ZMYM2: variants seen among roughly 807,000 people sequenced by gnomAD.
ZMYM2 encodes the protein zinc finger MYM-type containing 2.
A neutral mutation model predicts 162.8 loss-of-function variants in ZMYM2; 56 were observed. That is an observed-to-expected ratio of 0.34 (90% CI 0.28 to 0.43). ZMYM2 has a LOEUF of 0.43. Ranked by LOEUF, ZMYM2 falls within the 20% of genes least tolerant of loss-of-function variation. The pLI is 1.00. For synonymous variants in ZMYM2, 510 were observed against 541.6 expected (o/e 0.94, Z 0.81); for missense variants, 1,275 against 1,621.8 (o/e 0.79, Z 3.67).
intron 3 of ZMYM2, among the ~76,000 whole-genome samples, chr13:19,998,566 T>A (rs1201676932): frequency 6.6e-6 from 1 of 152,226 alleles, no homozygotes; most frequent in Non-Finnish European, 1.5e-5. Flanking sequence ...CTAGTGACTT[T>A]CTTTCTCGTT....
chr13:20,002,973 C>G lies in ZMYM2; in HGVS notation c.971C>G (p.Thr324Ser). Residue 324 changes from threonine (T) to serine (S), a missense_variant, in exon 4 of 25, where the codon ACT becomes AGT. Thr to Ser is a moderately conservative substitution (Grantham distance 58, BLOSUM62 1). This residue lies in a region of ZMYM2 where 115 missense variants were observed against 175.3 expected (regional missense o/e 0.66). Transcript: ENST00000610343. ...IFQPSVQQQP[T>S]KPVKVTCANC... ...CAGCCGTCTGTCCAACAGCAGCCTA[C>G]TAAACCAGTTAAAGTCACTTGTGCA... The G allele has an allele frequency of 6.2e-7, 1 of 1,614,138 alleles. No individual in the cohort carries two copies. The highest frequency in any genetic ancestry group is 8.5e-7 in the Non-Finnish European group (1 of 1,180,038).
intron 24 of ZMYM2, among the ~76,000 whole-genome samples, chr13:20,084,460 C>CAT (rs1449896895): frequency 6.6e-6 from 1 of 152,120 alleles, no homozygotes; most frequent in African/African-American, 2.4e-5. Flanking sequence ...AGAAAGCAGC[C>CAT]ATATACTATA....
upstream of ZMYM2, among the ~76,000 whole-genome samples, chr13:19,954,408 G>A (rs1324919306): frequency 2.6e-5 from 4 of 151,750 alleles, no homozygotes; most frequent in South Asian, 2.1e-4. Context: ...GAGCCACCGC[G>A]CCTGGCCTGT....
chr13:19,951,016 T>G, the ZMYM2 span, among the ~76,000 whole-genome samples: 2 of 152,212 alleles, frequency 1.3e-5, no homozygotes, highest in Admixed American at 6.5e-5. Context: ...GATTTTTTTG[T>G]GTGTGATTTT....
chr13:19,960,633 G>A (rs1016056647), intron 2 of ZMYM2, among the ~76,000 whole-genome samples: 2 of 152,130 alleles, frequency 1.3e-5, no homozygotes, highest in Non-Finnish European at 2.9e-5. Context: ...TAATTTCTTC[G>A]TTCCCCATCT....
the ZMYM2 span, among the ~76,000 whole-genome samples, chr13:19,921,523 G>T: frequency 6.6e-6 from 1 of 152,050 alleles, no homozygotes; most frequent in African/African-American, 2.4e-5. Flanking sequence ...CATTATTGGT[G>T]AGTCTTGTCT....
chr13:19,976,157 A>AT (rs1956767131), intron 2 of ZMYM2, among the ~76,000 whole-genome samples: 2 of 152,118 alleles, frequency 1.3e-5, no homozygotes, highest in East Asian at 3.9e-4. Flanking sequence ...CGTGGTAAAC[A>AT]TTTTTTGTAA....
At chr13:19,878,261 C>T in the ZMYM2 span, among the ~76,000 whole-genome samples, 1 of 152,162 alleles carries the variant, frequency 6.6e-6, no homozygotes, top group African/African-American at 2.4e-5. Context: ...CCATGTTGGC[C>T]AGGCTGGTCT....
At chr13:20,010,625 TTTTGTTTGTCTGTTTGTTTG>T (rs1951095457) in intron 6 of ZMYM2, among the ~76,000 whole-genome samples, 1 of 150,398 alleles carries the variant, frequency 6.6e-6, no homozygotes, top group East Asian at 1.9e-4. Flanking sequence ...TCTTTTTGTT[TTTTGTTTGTCTGTTTGTTTG>T]TTTGTTTGTT....
At chr13:20,004,546 C>T (rs1306451464) in intron 4 of ZMYM2, among the ~76,000 whole-genome samples, 2 of 152,202 alleles carry the variant, frequency 1.3e-5, no homozygotes, top group Non-Finnish European at 2.9e-5. Context: ...TGAGCCACTG[C>T]GCTCAGCAGT....
chr13:20,084,574 A>G (rs769232348), intron 24 of ZMYM2, among the ~76,000 whole-genome samples: 7 of 152,220 alleles, frequency 4.6e-5, no homozygotes, highest in Non-Finnish European at 7.4e-5. Context: ...CAAAGGTAGT[A>G]TAGATAGGTG....
At chr13:20,064,112 G>C (rs540288822) in intron 18 of ZMYM2, among the ~76,000 whole-genome samples, 2 of 151,466 alleles carry the variant, frequency 1.3e-5, no homozygotes, top group South Asian at 4.2e-4. Flanking sequence ...TAAAACATTA[G>C]TTTTTGGAAA....
At chr13:19,939,796 A>C in the ZMYM2 span, among the ~76,000 whole-genome samples, 1 of 152,226 alleles carries the variant, frequency 6.6e-6, no homozygotes, top group Non-Finnish European at 1.5e-5. Context: ...ATGTACCAGA[A>C]CTATAGTAAG....
Position 20,082,125 on chromosome 13 carries a change from C to T in ZMYM2, c.3563C>T (p.Pro1188Leu). Residue 1188 changes from proline to leucine, a missense_variant, in exon 22 of 25, where the codon CCA becomes CTA. Physicochemically the swap from Pro to Leu is moderately conservative, Grantham distance 98. Around this residue, in one of 10 missense-constraint regions of ZMYM2, gnomAD observed 103 missense variants for 192.2 expected, o/e 0.54. Transcript: ENST00000610343. ...CGAAGCTGGCAACCAAGCATACTTC[C>T]AGATGGTAATGCTATTTTCACTAAA... is the stretch of plus-strand genomic sequence containing the variant. The part of the protein sequence containing the change: ...ILRSWQPSIL[P>L]DGSIFSRVEE... The T allele has an allele frequency of 6.3e-7, 1 of 1,596,478 alleles. No homozygotes were observed. The highest frequency in any genetic ancestry group is 8.5e-7 in the Non-Finnish European group (1 of 1,171,852).
intron 12 of ZMYM2, among the ~76,000 whole-genome samples, chr13:20,046,340 A>G (rs1954776797): frequency 6.6e-6 from 1 of 151,648 alleles, no homozygotes. Context: ...TGAAGTTGGG[A>G]GTTCTAGTCC....
At chr13:19,915,442 C>CCTTT in the ZMYM2 span, among the ~76,000 whole-genome samples, 2 of 146,388 alleles carry the variant, frequency 1.4e-5, no homozygotes, top group Admixed American at 6.8e-5. Flanking sequence ...TTTCTTTCTT[C>CCTTT]CTTTCTTTCT....
chr13:19,980,752 CAAAAAAAAAAAA>C (rs914320015), intron 2 of ZMYM2, among the ~76,000 whole-genome samples: 1 of 31,224 alleles, frequency 3.2e-5, no homozygotes, highest in South Asian at 1.1e-3. Flanking sequence ...GACTCCATCT[CAAAAAAAAAAAA>C]AAAAAAAAAA....
intron 7 of ZMYM2, among the ~76,000 whole-genome samples, chr13:20,021,608 C>A (rs571519468): frequency 1.7e-4 from 26 of 152,060 alleles, no homozygotes; most frequent in Non-Finnish European, 3.1e-4. Context: ...CATACTACCG[C>A]GGTGATACCT....
Position 19,993,669 on chromosome 13 carries a change from T to G in ZMYM2, c.597T>G (p.Asp199Glu). Residue 199 changes from aspartate to glutamate, a missense_variant, in exon 3 of 25, where the codon GAT (aspartate) becomes GAG (glutamate). By Grantham distance (45) the Asp-to-Glu change is conservative (BLOSUM62 2). Transcript: ENST00000610343. ...AAACAGGTGTAAGCTCTGTGAATGA[T>G]GGCCAATTAGAAAATACTGACGGGC... ...TLETGVSSVN[D>E]GQLENTDGRD... 3.1e-6 allele frequency: 5 copies of G among 1,614,048 alleles called. No individual in the cohort carries two copies. Among genetic ancestry groups the G allele is most frequent in the Non-Finnish European group, 4.2e-6 (5 of 1,179,898 alleles).
Sources: gnomAD v4.1 joint callset for allele counts (sites outside exome capture counted in the v4.1 genomes callset) on GRCh38, gnomAD v4.1.1 for gene constraint, gnomAD v4.1.1 regional missense constraint, MANE v1.5 for transcripts, NCBI Gene and HGNC (gene_info 2026-07-23, HGNC 2026-07-21) for gene names.